Variants in KCNN2 observed in about 807,000 individuals in gnomAD.
KCNN2 encodes small conductance calcium-activated potassium channel protein 2.
KCNN2 carries 24 observed loss-of-function variants against 55.5 expected under a neutral mutation model. The ratio of observed to expected loss-of-function variants is 0.43; its 90% confidence interval spans 0.31 to 0.61. The LOEUF is 0.61. Ranked by LOEUF, KCNN2 falls within the 20% of genes least tolerant of loss-of-function variation. The pLI is 0.08. For missense variants in KCNN2, 754 were observed against 853.6 expected (o/e 0.88, Z 1.45); for synonymous variants, 431 against 336.1 (o/e 1.28, Z -3.09).
intron 2 of KCNN2, among the ~76,000 whole-genome samples, chr5:114,228,217 A>C (rs1336794529): frequency 1.3e-5 from 2 of 152,156 alleles, no homozygotes; most frequent in Admixed American, 1.3e-4. Flanking sequence ...CAACTGAAAA[A>C]GTAGTAAATA....
intron 3 of KCNN2, among the ~76,000 whole-genome samples, chr5:114,441,648 A>G (rs1456504656): frequency 6.6e-6 from 1 of 151,474 alleles, no homozygotes; most frequent in Non-Finnish European, 1.5e-5. Flanking sequence ...TAAATGTATA[A>G]TTTTTTTTTC....
At chr5:114,242,229 G>T (rs894355190) in intron 2 of KCNN2, among the ~76,000 whole-genome samples, 3 of 152,056 alleles carry the variant, frequency 2.0e-5, no homozygotes, top group Non-Finnish European at 4.4e-5. Context: ...TCCTTGTAAA[G>T]AGTGCAGAAC....
At chr5:114,318,603 TTG>T in intron 2 of KCNN2, among the ~76,000 whole-genome samples, 1 of 151,170 alleles carries the variant, frequency 6.6e-6, no homozygotes, top group African/African-American at 2.4e-5. Context: ...GAATACATAA[TTG>T]TATATGATAA....
intron 2 of KCNN2, among the ~76,000 whole-genome samples, chr5:114,260,690 A>C (rs546189367): frequency 9.3e-4 from 141 of 152,328 alleles, no homozygotes; most frequent in Admixed American, 1.7e-3. Flanking sequence ...TGGTTCCTTT[A>C]GCTCTCTTTT....
At chr5:114,141,761 T>A (rs910801928) in intron 1 of KCNN2, among the ~76,000 whole-genome samples, 18 of 152,206 alleles carry the variant, frequency 1.2e-4, no homozygotes, top group Non-Finnish European at 2.4e-4. Flanking sequence ...TGTAAAAGTG[T>A]TCCTGTTTCT....
At chr5:114,462,616 T>C (rs963911784) in intron 3 of KCNN2, among the ~76,000 whole-genome samples, 2 of 152,098 alleles carry the variant, frequency 1.3e-5, no homozygotes, top group African/African-American at 4.8e-5. Flanking sequence ...CGTCAGGAAA[T>C]CGAGGTAGCA....
At position 114,381,564 on chromosome 5, in the gene KCNN2, T is replaced by C. The variant is rs146685427; in HGVS notation, c.1218+17563T>C. Among the ~76,000 whole-genome samples the C allele has an allele frequency of 1.2e-4, 19 of 152,360 alleles. No individual in the cohort carries two copies. In the East Asian group the frequency reaches 3.7e-3, roughly 29 times the overall value. On this transcript the variant is annotated intron_variant, in intron 2 of 7. Transcript: ENST00000673685. ...ACAGAGACTCTTCTCTGGGCCCGCT[T>C]GTGTCCCTCCAAGAGGATCACAGCA... is the stretch of plus-strand genomic sequence containing the variant.
intron 1 of KCNN2, among the ~76,000 whole-genome samples, chr5:114,149,533 A>T (rs1212362780): frequency 1.3e-5 from 2 of 152,116 alleles, no homozygotes; most frequent in Non-Finnish European, 2.9e-5. Flanking sequence ...ATTTATTATT[A>T]AGTTTAGTGA....
At chr5:114,258,107 GT>G (rs1317815944) in intron 2 of KCNN2, among the ~76,000 whole-genome samples, 1 of 152,068 alleles carries the variant, frequency 6.6e-6, no homozygotes, top group African/African-American at 2.4e-5. Flanking sequence ...TGATTGTATG[GT>G]TTTTGTTTTT....
At chr5:114,302,244 A>C (rs1271034264) in intron 2 of KCNN2, among the ~76,000 whole-genome samples, 1 of 152,180 alleles carries the variant, frequency 6.6e-6, no homozygotes, top group Non-Finnish European at 1.5e-5. Flanking sequence ...TAAATAATTT[A>C]TGTTTCCACC....
chr5:114,091,793 A>T (rs1032722128), intron 1 of KCNN2, among the ~76,000 whole-genome samples: 1 of 152,076 alleles, frequency 6.6e-6, no homozygotes. Context: ...ACCAGATCTC[A>T]TGAGAACTCA....
At chr5:114,449,404 T>C (rs1367788344) in intron 3 of KCNN2, among the ~76,000 whole-genome samples, 1 of 152,206 alleles carries the variant, frequency 6.6e-6, no homozygotes, top group African/African-American at 2.4e-5. Flanking sequence ...CCAAAAGTAA[T>C]GACTTTTCTT....
chr5:114,451,740 CA>C (rs561375608), intron 3 of KCNN2, among the ~76,000 whole-genome samples: 11 of 151,696 alleles, frequency 7.3e-5, no homozygotes, highest in Admixed American at 4.6e-4. Context: ...ACTAAAAATA[CA>C]AAAAAATTAG....
chr5:114,419,829 A>G (rs1198486585), intron 3 of KCNN2, among the ~76,000 whole-genome samples: 3 of 152,208 alleles, frequency 2.0e-5, no homozygotes, highest in South Asian at 2.1e-4. Context: ...CGTCTCTGCA[A>G]AAGTAAAAAA....
intron 5 of KCNN2, among the ~76,000 whole-genome samples, chr5:114,482,161 C>T (rs947807759): frequency 2.0e-5 from 3 of 151,996 alleles, no homozygotes; most frequent in Non-Finnish European, 4.4e-5. Flanking sequence ...CCAGAGTCTA[C>T]AAGAACTTAA....
At chr5:114,343,485 G>A (rs755049850) in intron 2 of KCNN2, among the ~76,000 whole-genome samples, 22 of 152,014 alleles carry the variant, frequency 1.4e-4, no homozygotes, top group Non-Finnish European at 3.2e-4. Context: ...GGATTTAGAG[G>A]GAATTTTAGG....
intron 1 of KCNN2, among the ~76,000 whole-genome samples, chr5:114,111,693 A>T (rs954475765): frequency 3.9e-5 from 6 of 152,330 alleles, no homozygotes; most frequent in South Asian, 4.1e-4. Flanking sequence ...TTTTCAAAAG[A>T]AGATATTTAT....
intron 3 of KCNN2, among the ~76,000 whole-genome samples, chr5:114,456,465 C>T (rs1403202001): frequency 4.6e-5 from 7 of 152,174 alleles, no homozygotes; most frequent in Non-Finnish European, 8.8e-5. Context: ...CCAAGATCTC[C>T]GATGGAGATG....
At chr5:114,101,638 A>C (rs924481501) in intron 1 of KCNN2, among the ~76,000 whole-genome samples, 2 of 151,092 alleles carry the variant, frequency 1.3e-5, no homozygotes, top group African/African-American at 2.4e-5. Flanking sequence ...CTTGTGCCCA[A>C]ATGGTCTCAT....
Sources: gnomAD v4.1 joint callset for allele counts (sites outside exome capture counted in the v4.1 genomes callset) on GRCh38, gnomAD v4.1.1 for gene constraint, MANE v1.5 for transcripts, NCBI Gene and HGNC (gene_info 2026-07-23, HGNC 2026-07-21) for gene names.